Variants in SLC25A13 observed in about 807,000 individuals in gnomAD.
SLC25A13 encodes electrogenic aspartate/glutamate antiporter SLC25A13, mitochondrial.
SLC25A13 carries 70 observed loss-of-function variants against 85.5 expected under a neutral mutation model. The ratio of observed to expected loss-of-function variants is 0.82; its 90% CI spans 0.68 to 1.00. SLC25A13 has a LOEUF of 1.00. SLC25A13 is among the 50% of genes least tolerant of loss of function. The pLI is 0.00. For missense variants in SLC25A13, 765 were observed against 819.8 expected, an observed-to-expected ratio of 0.93 and a Z score of 0.82; for synonymous variants, 259 against 288.7, an observed-to-expected ratio of 0.90 and a Z score of 1.04.
chr7:96,122,628 C>T (rs997893718), intron 15 of SLC25A13, among the ~76,000 whole-genome samples: 2 of 152,148 alleles, frequency 1.3e-5, no homozygotes, highest in African/African-American at 4.8e-5. Flanking sequence ...ACAGATAACA[C>T]TTTAGGATTT....
chr7:96,219,476 T>A (rs2116755756), intron 4 of SLC25A13, among the ~76,000 whole-genome samples: 1 of 152,316 alleles, frequency 6.6e-6, no homozygotes, highest in Admixed American at 6.5e-5. Flanking sequence ...ACCCTATCCT[T>A]CTAGTGCCAG....
rs143100325 is a variant in SLC25A13 at position 96,227,800 on chromosome 7, A to G, written c.328+7002T>C. On this transcript the variant is annotated intron_variant, in intron 4 of 17. Transcript: ENST00000265631. ...AGAAAGATTAAAATGTAAATCTGAA[A>G]GGAAAGCAAACTTCTGGAAGATAAC... Among the ~76,000 whole-genome samples the G allele has an allele frequency of 1.1e-4, 16 of 152,334 alleles. No homozygotes were observed. The East Asian group carries it at 3.1e-3, about 29-fold the overall frequency.
chr7:96,233,245 C>T (rs942971762), intron 4 of SLC25A13, among the ~76,000 whole-genome samples: 5 of 152,168 alleles, frequency 3.3e-5, no homozygotes, highest in Non-Finnish European at 4.4e-5. Flanking sequence ...CTGTTCATCC[C>T]CAGGAAACGC....
chr7:96,307,444 T>C (rs929446040), intron 1 of SLC25A13, among the ~76,000 whole-genome samples: 9 of 152,118 alleles, frequency 5.9e-5, no homozygotes, highest in Non-Finnish European at 8.8e-5. Flanking sequence ...CATGTGCCTG[T>C]AGTCCCAACT....
chr7:96,211,231 T>G (rs1047114136), intron 4 of SLC25A13, among the ~76,000 whole-genome samples: 13 of 152,184 alleles, frequency 8.5e-5, no homozygotes, highest in African/African-American at 2.9e-4. Context: ...AATCCGAAAC[T>G]CTAAACGCTA....
chr7:96,168,966 T>G (rs1183002420), intron 13 of SLC25A13, among the ~76,000 whole-genome samples: 4 of 152,202 alleles, frequency 2.6e-5, no homozygotes, highest in South Asian at 4.1e-4. Flanking sequence ...CCTTTATATT[T>G]AGGACATTAA....
At chr7:96,240,981 G>GAGGGGAGGGC in intron 3 of SLC25A13, among the ~76,000 whole-genome samples, 2 of 2,002 alleles carry the variant, frequency 1.0e-3, no homozygotes, top group Non-Finnish European at 9.3e-3. Context: ...AAGGAGAGGA[G>GAGGGGAGGGC]AGGGGAGGGG....
At chr7:96,134,801 ATATATATATAT>A (rs1792198048) in intron 14 of SLC25A13, among the ~76,000 whole-genome samples, 1 of 143,662 alleles carries the variant, frequency 7.0e-6, no homozygotes, top group East Asian at 2.2e-4. Flanking sequence ...TTTTATATAT[ATATATATATAT>A]AACCCTGAGG....
At chr7:96,271,342 C>T (rs1798231474) in intron 3 of SLC25A13, among the ~76,000 whole-genome samples, 1 of 152,148 alleles carries the variant, frequency 6.6e-6, no homozygotes, top group African/African-American at 2.4e-5. Context: ...ACAATTACTA[C>T]ACGCCAACTA....
At position 96,299,275 on chromosome 7, in the gene SLC25A13, GA is replaced by G. The variant is rs567829471; in HGVS notation, c.16-2325del. Among the ~76,000 whole-genome samples the G allele has an allele frequency of 5.9e-5, 9 of 152,106 alleles. No individual in the cohort carries two copies. In the South Asian group the frequency reaches 8.3e-4, roughly 14 times the overall value. On this transcript the variant is annotated intron_variant, in intron 1 of 17. Transcript: ENST00000265631. ...CCATCAGAACTACACCTCAAAGGGGGAAAAAAAGTGTTCACTTTGTAACCTT... is the reference window on the plus strand; with the variant it reads ...CCATCAGAACTACACCTCAAAGGGGGAAAAAAGTGTTCACTTTGTAACCTT...
chr7:96,120,283 C>CA lies in SLC25A13; in HGVS notation c.*907dup, dbSNP rs1193836617. On this transcript the variant is annotated 3_prime_UTR_variant, in exon 18 of 18. Transcript: ENST00000265631. ...ATGCGCCTCTGACCATTATGCAAGG[C>CA]AACATGAATTAAATACTTATGTCAG... 11 of 453,858 alleles carry CA rather than the reference C, an allele frequency of 2.4e-5. No homozygotes were observed. The highest frequency in any genetic ancestry group is 2.2e-4 in the African/African-American group (11 of 49,976). 28.1% of individuals were successfully genotyped at this position (453,858 alleles called of 1,614,324 possible).
rs781095525 is a variant in SLC25A13 at position 96,193,200 on chromosome 7, T to G, written c.469-17A>C. 1.2e-6 allele frequency: 2 copies of G among 1,613,416 alleles called. No homozygotes were observed. Among genetic ancestry groups the G allele is most frequent in the East Asian group, 4.5e-5 (2 of 44,842 alleles). On this transcript the variant is annotated splice_polypyrimidine_tract_variant and intron_variant, in intron 5 of 17. Coordinates refer to ENST00000265631, the MANE Select transcript of SLC25A13 (RefSeq NM_014251.3). ...TTGTATTTCCTACAAATAAAGAAAG[T>G]AAAATACTTAATTTATGCTTCTCAT...
intron 4 of SLC25A13, among the ~76,000 whole-genome samples, chr7:96,220,076 T>C (rs1328763729): frequency 6.6e-6 from 1 of 152,224 alleles, no homozygotes. Flanking sequence ...TCTCCAGATG[T>C]GTAAGCTTGC....
At chr7:96,146,044 A>G (rs941025575) in intron 14 of SLC25A13, among the ~76,000 whole-genome samples, 2 of 152,222 alleles carry the variant, frequency 1.3e-5, no homozygotes, top group Admixed American at 1.3e-4. Flanking sequence ...TTTTTGGTAG[A>G]GCAGTATGAA....
intron 3 of SLC25A13, among the ~76,000 whole-genome samples, chr7:96,253,980 C>G (rs1797530084): frequency 6.6e-6 from 1 of 152,112 alleles, no homozygotes; most frequent in Non-Finnish European, 1.5e-5. Context: ...CTTCAAAACA[C>G]ACGACTAAGA....
chr7:96,308,357 C>T (rs1016311288), intron 1 of SLC25A13, among the ~76,000 whole-genome samples: 2 of 152,176 alleles, frequency 1.3e-5, no homozygotes, highest in African/African-American at 4.8e-5. Flanking sequence ...AGATACCTGA[C>T]CCCTGTGGGG....
intron 2 of SLC25A13, among the ~76,000 whole-genome samples, chr7:96,291,554 G>A (rs1335609436): frequency 6.6e-6 from 1 of 152,044 alleles, no homozygotes; most frequent in African/African-American, 2.4e-5. Context: ...GAAGAAAAGA[G>A]AGAAGAATTA....
chr7:96,270,274 G>A (rs987458908), intron 3 of SLC25A13, among the ~76,000 whole-genome samples: 3 of 152,032 alleles, frequency 2.0e-5, no homozygotes, highest in African/African-American at 7.3e-5. Flanking sequence ...AAATAGCTGG[G>A]GCTGAGTGCG....
At chr7:96,235,011 C>T (rs1163423084) in intron 3 of SLC25A13, 94 bp from the exon 4 acceptor site, 7 of 819,836 alleles carry the variant, frequency 8.5e-6, no homozygotes, top group Admixed American at 6.9e-5. Flanking sequence ...TAAGATATCA[C>T]TGCCAAAACA....
Sources: allele counts gnomAD v4.1 joint callset (sites outside exome capture counted in the v4.1 genomes callset), GRCh38; gene constraint gnomAD v4.1.1; transcripts MANE v1.5; gene names NCBI Gene and HGNC (gene_info 2026-07-23, HGNC 2026-07-21).